The following PIWIL3 variants were observed in gnomAD, a reference collection of about 807,000 sequenced individuals.
The protein encoded by PIWIL3 is piwi-like protein 3.
Under a neutral mutation model 109.7 loss-of-function variants are expected in PIWIL3, and 101 were observed. The ratio of observed to expected loss-of-function variants is 0.92; its 90% CI spans 0.78 to 1.09. The LOEUF is 1.09. Among genes scored for constraint, PIWIL3 ranks in the 50% least tolerant of loss-of-function variants. The probability of loss-of-function intolerance (pLI) is 0.00; values close to 1 mark genes in which losing one functional copy is unlikely to be tolerated. For missense variants in PIWIL3, 1,031 were observed against 1,072.6 expected (o/e 0.96, Z 0.54); for synonymous variants, 373 against 376.4 (o/e 0.99, Z 0.10).
intron 14 of PIWIL3, among the ~76,000 whole-genome samples, chr22:24,728,921 A>C (rs1402080824): frequency 2.0e-5 from 3 of 152,188 alleles, no homozygotes; most frequent in Non-Finnish European, 4.4e-5. Flanking sequence ...AAAACAAAAA[A>C]CAGTTAAGGC....
At position 24,733,661 on chromosome 22, in the gene PIWIL3, T is replaced by C. The variant is rs568433779; in HGVS notation, c.1707+423A>G. On this transcript the variant is annotated intron_variant, in intron 14 of 20. Transcript: ENST00000616349. The stretch of plus-strand genomic sequence containing the variant: ...TGCCACTTCACTCCAGCCTGGGCCA[T>C]GGAGCAAGACTCCATCTCAAAAACA... Among the ~76,000 whole-genome samples, 6 of 151,886 alleles carry C rather than the reference T, an allele frequency of 4.0e-5. No homozygotes were observed. In the East Asian group the frequency reaches 1.2e-3, roughly 30 times the overall value.
At chr22:24,734,296 AAG>A (rs1293103862) in intron 13 of PIWIL3, 140 bp from the exon 14 acceptor site, 3 of 1,334,328 alleles carry the variant, frequency 2.2e-6, no homozygotes, top group African/African-American at 3.0e-5. Flanking sequence ...TAAAAGAAAA[AAG>A]ACAGTAGACT....
At chr22:24,736,631 C>T (rs1923671894) in intron 12 of PIWIL3, among the ~76,000 whole-genome samples, 1 of 152,194 alleles carries the variant, frequency 6.6e-6, no homozygotes, top group Admixed American at 6.5e-5. Flanking sequence ...AACCAAACAT[C>T]AGGTGAGCAC....
Position 24,725,464 on chromosome 22 carries a change from C to T in PIWIL3, c.2061G>A (p.Glu687=), listed in dbSNP as rs993549801. ...ACTGACCTTTCAAGCAGATCTCCAG[C>T]TCTTTCACAAGCTCTTCTCCTGTTT... ...IQKTGEELVK[E]LEICLKAALD... Residue 687 remains glutamate (E), a synonymous_variant, in exon 17 of 21, where the codon GAG becomes GAA. Coordinates refer to ENST00000616349, the MANE Select transcript of PIWIL3 (RefSeq NM_001255975.1). The T allele has an allele frequency of 1.4e-5, 22 of 1,613,908 alleles. No homozygotes were observed. Among genetic ancestry groups the T allele is most frequent in the Non-Finnish European group, 1.9e-5 (22 of 1,180,056 alleles).
chr22:24,736,025 TA>T (rs1923638808), intron 12 of PIWIL3, 133 bp from the exon 13 acceptor site: 3 of 735,802 alleles, frequency 4.1e-6, no homozygotes, highest in Non-Finnish European at 6.3e-6. Context: ...CCAATGTAGG[TA>T]TTTTTTTCAT....
chr22:24,723,143 T>C lies in PIWIL3; in HGVS notation c.2344A>G (p.Thr782Ala). 1 of 1,613,504 alleles carries C rather than the reference T, an allele frequency of 6.2e-7. No individual in the cohort carries two copies. The highest frequency in any genetic ancestry group is 8.5e-7 in the Non-Finnish European group (1 of 1,179,556). Residue 782 changes from threonine to alanine, a missense_variant, in exon 19 of 21, where the codon ACT becomes GCT. By Grantham distance (58) the Thr-to-Ala change is moderately conservative (BLOSUM62 0). Coordinates refer to ENST00000616349, the MANE Select transcript of PIWIL3 (RefSeq NM_001255975.1). ...PPGTVIDVEL[T>A]RNEWYDFFIV... ...CAGGTGGCTTACCATTCATTCCTAG[T>C]CAACTCTACATCAATAACTGTTCCT...
intron 1 of PIWIL3, among the ~76,000 whole-genome samples, chr22:24,767,486 G>A (rs1000662490): frequency 3.3e-5 from 5 of 151,910 alleles, no homozygotes; most frequent in African/African-American, 1.2e-4. Context: ...GGCAGGTGGA[G>A]GTTGCAGTGA....
At chr22:24,753,991 A>T in intron 8 of PIWIL3, 23 bp downstream of exon 8, 1 of 1,555,298 alleles carries the variant, frequency 6.4e-7, no homozygotes, top group Non-Finnish European at 8.9e-7. Flanking sequence ...GTGATTGGAT[A>T]GGTTTTTAAA....
At chr22:24,773,058 C>T (rs1476540356) in intron 1 of PIWIL3, among the ~76,000 whole-genome samples, 1 of 152,178 alleles carries the variant, frequency 6.6e-6, no homozygotes, top group Non-Finnish European at 1.5e-5. Context: ...CCCACTGCCC[C>T]AGTCCCCAGG....
chr22:24,755,770 C>A lies in PIWIL3; in HGVS notation c.692+14G>T, dbSNP rs773473404. The A allele has an allele frequency of 1.2e-6, 2 of 1,613,646 alleles. No homozygotes were observed. Among genetic ancestry groups the A allele is most frequent in the East Asian group, 2.2e-5 (1 of 44,870 alleles). On this transcript the variant is annotated intron_variant, in intron 6 of 20. Coordinates refer to ENST00000616349, the MANE Select transcript of PIWIL3 (RefSeq NM_001255975.1). ...CCGAATGAGTATCAAAGAAACTCAA[C>A]CCCGGTAACATACCTTCTAAAGAGA...
chr22:24,749,309 G>A, intron 11 of PIWIL3, 95 bp downstream of exon 11: 2 of 1,525,502 alleles, frequency 1.3e-6, no homozygotes, highest in South Asian at 1.3e-5. Context: ...TCACTTGCTT[G>A]TAGAAGAATC....
intron 12 of PIWIL3, among the ~76,000 whole-genome samples, chr22:24,742,235 G>A (rs1041728536): frequency 2.7e-5 from 4 of 149,896 alleles, no homozygotes; most frequent in African/African-American, 7.4e-5. Context: ...ACAGACTACT[G>A]AAAGAAATCA....
chr22:24,739,901 A>T (rs1185898990), intron 12 of PIWIL3, among the ~76,000 whole-genome samples: 1 of 151,670 alleles, frequency 6.6e-6, no homozygotes, highest in Non-Finnish European at 1.5e-5. Context: ...ATACAAAAAA[A>T]TTAGCCGGGC....
At chr22:24,744,206 A>AAAAAAAAAAAAC (rs1243624300) in intron 12 of PIWIL3, among the ~76,000 whole-genome samples, 1 of 148,232 alleles carries the variant, frequency 6.7e-6, no homozygotes, top group Non-Finnish European at 1.5e-5. Flanking sequence ...AAAAAAAAAA[A>AAAAAAAAAAAAC]ACAATGATCT....
intron 12 of PIWIL3, among the ~76,000 whole-genome samples, chr22:24,747,523 T>C (rs575500524): frequency 6.0e-4 from 92 of 152,172 alleles, no homozygotes; most frequent in African/African-American, 2.1e-3. Flanking sequence ...ACTCACAGAA[T>C]GGGAGAAAAT....
chr22:24,728,081 G>C, intron 15 of PIWIL3, 28 bp from the exon 16 acceptor site: 1 of 1,609,078 alleles, frequency 6.2e-7, no homozygotes, highest in Non-Finnish European at 8.5e-7. Context: ...AAAGGTAATG[G>C]AGTTAGAACG....
Position 24,719,479 on chromosome 22 carries a change from T to G in PIWIL3, c.2615A>C (p.Tyr872Ser). The G allele has an allele frequency of 1.9e-6, 3 of 1,581,056 alleles. No individual in the cohort carries two copies. Among genetic ancestry groups the G allele is most frequent in the Non-Finnish European group, 2.6e-6 (3 of 1,166,854 alleles). ...PNRSLSTRLF[Y>S]L ...CAGGTCTTCTTCTGCAGGTCAAAGGTAAAAGAGACGAGTTGACAAGGAACG... is the reference window on the plus strand; with the variant it reads ...CAGGTCTTCTTCTGCAGGTCAAAGGGAAAAGAGACGAGTTGACAAGGAACG... Residue 872 changes from tyrosine (Y) to serine (S), a missense_variant, in exon 21 of 21, where the codon TAC becomes TCC. Tyr to Ser is a moderately radical substitution (Grantham distance 144, BLOSUM62 -2). Transcript: ENST00000616349.
chr22:24,753,910 CCT>C (rs1320681328), intron 8 of PIWIL3, 102 bp downstream of exon 8: 26 of 983,268 alleles, frequency 2.6e-5, no homozygotes, highest in Non-Finnish European at 3.0e-5. Context: ...AATTTCTACT[CCT>C]CAACTTCAAC....
chr22:24,724,243 A>C (rs548842679), intron 18 of PIWIL3, among the ~76,000 whole-genome samples: 6 of 150,278 alleles, frequency 4.0e-5, no homozygotes, highest in African/African-American at 1.2e-4. Flanking sequence ...CCCCTAAAAA[A>C]CATCAGATTT....
Sources: gnomAD v4.1 joint callset for allele counts (sites outside exome capture counted in the v4.1 genomes callset) on GRCh38, gnomAD v4.1.1 for gene constraint, MANE v1.5 for transcripts, NCBI Gene and HGNC (gene_info 2026-07-23, HGNC 2026-07-21) for gene names.